The following CDC42EP3 variants were observed in gnomAD, a reference collection of about 807,000 sequenced individuals.
CDC42EP3 encodes CDC42 effector protein 3.
A neutral mutation model predicts 15.5 loss-of-function variants in CDC42EP3; 4 were observed. The observed-to-expected ratio is 0.26, with a 90% CI of 0.13 to 0.59. CDC42EP3 has a LOEUF of 0.59. Among genes scored for constraint, CDC42EP3 ranks in the 20% least tolerant of loss-of-function variants. The probability of loss-of-function intolerance (pLI) is 0.89; values close to 1 mark genes in which losing one functional copy is unlikely to be tolerated. For synonymous variants in CDC42EP3, 145 were observed against 130.3 expected, an observed-to-expected ratio of 1.11 and a Z score of -0.77; for missense variants, 309 against 311.2, an observed-to-expected ratio of 0.99 and a Z score of 0.05.
chr2:37,660,254 A>C (rs1247328034), intron 1 of CDC42EP3, among the ~76,000 whole-genome samples: 1 of 152,206 alleles, frequency 6.6e-6, no homozygotes, highest in Non-Finnish European at 1.5e-5. Context: ...GTTGCAGATG[A>C]GGCTAAAATG....
At chr2:37,663,087 C>A (rs1228582632) in intron 1 of CDC42EP3, among the ~76,000 whole-genome samples, 1 of 152,216 alleles carries the variant, frequency 6.6e-6, no homozygotes, top group African/African-American at 2.4e-5. Context: ...ATCTCTTGAA[C>A]CCGGGAGGCA....
At chr2:37,658,841 C>T (rs1212342169) in intron 1 of CDC42EP3, among the ~76,000 whole-genome samples, 1 of 150,312 alleles carries the variant, frequency 6.7e-6, no homozygotes, top group Non-Finnish European at 1.5e-5. Context: ...CTCCCTGCCT[C>T]CCCGGTCCTT....
Position 37,645,454 on chromosome 2 carries a change from G to A in CDC42EP3, c.*369C>T, listed in dbSNP as rs564186120. 6.0e-6 allele frequency: 1 copy of A among 166,002 alleles called. No homozygotes were observed. Among genetic ancestry groups the A allele is most frequent in the African/African-American group, 2.4e-5 (1 of 42,116 alleles). The allele number at this position is 166,002 out of a possible 1,614,324, so 10.3% of individuals were successfully genotyped here. ...TTTGACTTCCTCTTGCTCAGAAAAT[G>A]TCGGAGTGCTATAAAGTTCCGTGAA... On this transcript the variant is annotated 3_prime_UTR_variant, in exon 2 of 2. Coordinates refer to ENST00000295324, the MANE Select transcript of CDC42EP3 (RefSeq NM_006449.5).
At chr2:37,650,735 G>C (rs1381266421) in intron 1 of CDC42EP3, among the ~76,000 whole-genome samples, 3 of 152,160 alleles carry the variant, frequency 2.0e-5, no homozygotes, top group African/African-American at 7.2e-5. Context: ...TTATGAAAGG[G>C]GTGCATTCCA....
chr2:37,668,736 T>TA (rs1666318239), intron 1 of CDC42EP3, among the ~76,000 whole-genome samples: 2 of 152,354 alleles, frequency 1.3e-5, no homozygotes, highest in South Asian at 4.1e-4. Flanking sequence ...AAAATGGGGA[T>TA]ACAACGGTTC....
chr2:37,645,955 G>A lies in CDC42EP3; in HGVS notation c.633C>T (p.Cys211=), dbSNP rs142081658. ...ACTTAGTCTTTCCCTTGATGAGCTC[G>A]CATGGGGTGGGATGGTCAAACATGT... ...AEDMFDHPTP[C]ELIKGKTKSE... Residue 211 remains cysteine (C), a synonymous_variant, in exon 2 of 2, where the codon TGC becomes TGT. Transcript: ENST00000295324. The A allele has an allele frequency of 3.0e-5, 49 of 1,613,912 alleles. No individual in the cohort carries two copies. In the Admixed American group the frequency reaches 5.2e-4, roughly 17 times the overall value.
In CDC42EP3 at chr2:37,661,590, TA is replaced by T. The variant is rs1666059190; in HGVS notation, c.-236+9835del. 9.9e-5 allele frequency among the ~76,000 whole-genome samples: 15 copies of T among 152,268 alleles called. No individual in the cohort carries two copies. The South Asian group carries it at 3.1e-3, about 32-fold the overall frequency. ...AGAAGTCCTGCTTTTGGGTTAACAT[TA>T]ATTATATAATCCCATTTGCGCAGAA... On this transcript the variant is annotated intron_variant, in intron 1 of 1. Coordinates refer to ENST00000295324, the MANE Select transcript of CDC42EP3 (RefSeq NM_006449.5).
chr2:37,647,214 T>C (rs1253486682), intron 1 of CDC42EP3, among the ~76,000 whole-genome samples: 1 of 152,264 alleles, frequency 6.6e-6, no homozygotes, highest in Non-Finnish European at 1.5e-5. Flanking sequence ...ATTTCATTGT[T>C]GAGTTCCATA....
chr2:37,646,835 C>T lies in CDC42EP3; in HGVS notation c.-235-13G>A. On this transcript the variant is annotated splice_polypyrimidine_tract_variant and intron_variant, in intron 1 of 1. Coordinates refer to ENST00000295324, the MANE Select transcript of CDC42EP3 (RefSeq NM_006449.5). The stretch of plus-strand genomic sequence containing the variant: ...AACCAGGACAAACCTGCAGAAGAAA[C>T]CAAAGCAGGTTATAAGCTAAAGACC... 2.7e-6 allele frequency: 1 copy of T among 372,232 alleles called. No individual in the cohort carries two copies. Among genetic ancestry groups the T allele is most frequent in the South Asian group, 5.6e-5 (1 of 17,916 alleles). 23.1% of individuals were successfully genotyped at this position (372,232 alleles called of 1,614,324 possible).
At chr2:37,667,367 C>T (rs1666279050) in intron 1 of CDC42EP3, among the ~76,000 whole-genome samples, 1 of 152,138 alleles carries the variant, frequency 6.6e-6, no homozygotes, top group Non-Finnish European at 1.5e-5. Flanking sequence ...GTGGTTCCTG[C>T]CTTCAAGGAG....
intron 1 of CDC42EP3, among the ~76,000 whole-genome samples, chr2:37,656,999 C>CCCCCT (rs1387418565): frequency 2.0e-5 from 2 of 100,618 alleles, no homozygotes; most frequent in African/African-American, 9.6e-5. Context: ...CACCCCCCGC[C>CCCCCT]CCCCGCCATC....
chr2:37,645,998 G>C lies in CDC42EP3; in HGVS notation c.590C>G (p.Pro197Arg). The change falls in exon 2 of 2, where the codon CCC becomes CGC. Residue 197 changes from proline (P) to arginine (R), a missense_variant. Transcript: ENST00000295324. Reference protein sequence around the residue: ...SHSSSLSEQYPDWPAEDMFDH... With the variant: ...SHSSSLSEQYRDWPAEDMFDH... ...AAACATGTCCTCGGCTGGCCAGTCGGGGTACTGTTCGGACAGGCTGGAGGA... is the reference window on the plus strand; with the variant it reads ...AAACATGTCCTCGGCTGGCCAGTCGCGGTACTGTTCGGACAGGCTGGAGGA... 6.2e-7 allele frequency: 1 copy of C among 1,613,958 alleles called. No homozygotes were observed. The highest frequency in any genetic ancestry group is 8.5e-7 in the Non-Finnish European group (1 of 1,179,908).
intron 1 of CDC42EP3, among the ~76,000 whole-genome samples, chr2:37,655,947 A>G (rs1665834278): frequency 6.6e-6 from 1 of 152,230 alleles, no homozygotes; most frequent in Non-Finnish European, 1.5e-5. Flanking sequence ...AATGATCCCA[A>G]ATAATAAGCT....
At chr2:37,665,180 T>C (rs1666211928) in intron 1 of CDC42EP3, among the ~76,000 whole-genome samples, 1 of 152,074 alleles carries the variant, frequency 6.6e-6, no homozygotes, top group South Asian at 2.1e-4. Context: ...TAGGAGAAGA[T>C]ACAAGACACT....
upstream of CDC42EP3, among the ~76,000 whole-genome samples, chr2:37,672,853 C>T (rs1666478208): frequency 6.6e-6 from 1 of 152,228 alleles, no homozygotes; most frequent in African/African-American, 2.4e-5. Flanking sequence ...GAGATATCAG[C>T]TTCAGGTCAT....
chr2:37,670,395 A>G (rs1287712688), intron 1 of CDC42EP3, among the ~76,000 whole-genome samples: 1 of 151,698 alleles, frequency 6.6e-6, no homozygotes, highest in African/African-American at 2.4e-5. Flanking sequence ...CTCAGCACAC[A>G]GCAGCAGCCC....
intron 1 of CDC42EP3, among the ~76,000 whole-genome samples, chr2:37,651,491 G>A (rs932048308): frequency 1.3e-5 from 2 of 152,186 alleles, no homozygotes; most frequent in Admixed American, 6.5e-5. Context: ...CATCTGCAAT[G>A]GCAGTGTGTG....
chr2:37,645,811 G>C lies in CDC42EP3; in HGVS notation c.*12C>G, dbSNP rs1665432537. The stretch of plus-strand genomic sequence containing the variant: ...GTACCTTTTACCCCAAAGGAAAAAA[G>C]TTGGCATCTTGTTACTTATTTTTAT... On this transcript the variant is annotated 3_prime_UTR_variant, in exon 2 of 2. Coordinates refer to ENST00000295324, the MANE Select transcript of CDC42EP3 (RefSeq NM_006449.5). 6.6e-7 allele frequency: 1 copy of C among 1,512,632 alleles called. No homozygotes were observed. The highest frequency in any genetic ancestry group is 8.8e-7 in the Non-Finnish European group (1 of 1,132,288). 93.7% of individuals were successfully genotyped at this position (1,512,632 alleles called of 1,614,324 possible).
intron 1 of CDC42EP3, among the ~76,000 whole-genome samples, chr2:37,668,701 G>A (rs1055804784): frequency 3.3e-5 from 5 of 152,186 alleles, no homozygotes; most frequent in Non-Finnish European, 7.3e-5. Context: ...TATATAACTG[G>A]TCTATCCTCA....
Sources: gnomAD v4.1 joint callset for allele counts (sites outside exome capture counted in the v4.1 genomes callset) on GRCh38, gnomAD v4.1.1 for gene constraint, MANE v1.5 for transcripts, NCBI Gene and HGNC (gene_info 2026-07-23, HGNC 2026-07-21) for gene names.